SOX6: variants seen among roughly 807,000 people sequenced by gnomAD.
SOX6 encodes the protein SRY-box transcription factor 6.
SOX6 carries 11 observed loss-of-function variants against 97.8 expected under a neutral mutation model. The observed-to-expected ratio is 0.11, with a 90% CI of 0.07 to 0.19. SOX6 has a LOEUF of 0.19. Among genes scored for constraint, SOX6 ranks in the 10% least tolerant of loss-of-function variants. The pLI is 1.00. For synonymous variants in SOX6, 360 were observed against 371.4 expected, an observed-to-expected ratio of 0.97 and a Z score of 0.35; for missense variants, 810 against 1,039.5, an observed-to-expected ratio of 0.78 and a Z score of 3.04.
intron 4 of SOX6, among the ~76,000 whole-genome samples, chr11:16,526,188 T>C (rs548993717): frequency 2.0e-5 from 3 of 152,300 alleles, no homozygotes; most frequent in Non-Finnish European, 4.4e-5. Context: ...TGCACACATA[T>C]GTTTCTTGCG....
intron 4 of SOX6, among the ~76,000 whole-genome samples, chr11:16,595,740 C>T (rs1458704806): frequency 6.6e-6 from 1 of 152,080 alleles, no homozygotes; most frequent in African/African-American, 2.4e-5. Context: ...CACCGTTCTC[C>T]AGCATGGACA....
chr11:16,149,483 A>G (rs1850404205), intron 6 of SOX6, among the ~76,000 whole-genome samples: 1 of 151,994 alleles, frequency 6.6e-6, no homozygotes, highest in African/African-American at 2.4e-5. Context: ...GTAGGGAAAT[A>G]GGAGTCTGAT....
Position 16,733,765 on chromosome 11 carries a change from G to A in SOX6, n.353+2574C>T, listed in dbSNP as rs1213835037. Among the ~76,000 whole-genome samples the A allele has an allele frequency of 4.7e-5, 7 of 148,180 alleles. No individual in the cohort carries two copies. The South Asian group carries it at 8.6e-4, about 18-fold the overall frequency. ...AAAAGGGCCAGGCACGGTGGCTCAC[G>A]TCTGTAATCCCAGCACTTTGGGAGG... is the stretch of plus-strand genomic sequence containing the variant. On this transcript the variant is annotated intron_variant and non_coding_transcript_variant, in intron 2 of 5. Coordinates refer to the SOX6 transcript ENST00000524520.
chr11:16,003,557 A>G (rs1003872421), intron 13 of SOX6, among the ~76,000 whole-genome samples: 1 of 152,024 alleles, frequency 6.6e-6, no homozygotes, highest in Non-Finnish European at 1.5e-5. Context: ...TCTTATCCTT[A>G]GCTGCTTATC....
At chr11:16,624,797 G>C (rs747805185) in intron 3 of SOX6, among the ~76,000 whole-genome samples, 2 of 152,162 alleles carry the variant, frequency 1.3e-5, no homozygotes, top group African/African-American at 2.4e-5. Flanking sequence ...ATATTGTCCA[G>C]TTTGTTTGGT....
chr11:16,068,534 T>G (rs1009093935), intron 9 of SOX6, among the ~76,000 whole-genome samples: 3 of 152,176 alleles, frequency 2.0e-5, no homozygotes, highest in African/African-American at 7.2e-5. Flanking sequence ...ACTGAAGTCC[T>G]TTTTTTCAGC....
At chr11:16,253,184 C>T (rs1259340138) in intron 3 of SOX6, among the ~76,000 whole-genome samples, 2 of 151,996 alleles carry the variant, frequency 1.3e-5, no homozygotes, top group Non-Finnish European at 2.9e-5. Context: ...CCTGTCTCTA[C>T]TAAATATACA....
chr11:16,131,578 T>C (rs1849740213), intron 6 of SOX6, among the ~76,000 whole-genome samples: 1 of 152,070 alleles, frequency 6.6e-6, no homozygotes, highest in Non-Finnish European at 1.5e-5. Flanking sequence ...AGCCCTACAA[T>C]TAATCCACTC....
chr11:15,983,698 C>T (rs996233101), intron 15 of SOX6, among the ~76,000 whole-genome samples: 1 of 152,184 alleles, frequency 6.6e-6, no homozygotes. Context: ...CAAGTATTAT[C>T]AAAGCTGGGC....
chr11:16,461,375 G>A (rs888337308), intron 1 of SOX6, among the ~76,000 whole-genome samples: 5 of 151,978 alleles, frequency 3.3e-5, no homozygotes, highest in South Asian at 2.1e-4. Flanking sequence ...TTTCAAAAGC[G>A]AAGCTCTTGG....
intron 3 of SOX6, among the ~76,000 whole-genome samples, chr11:16,630,291 C>T (rs566779214): frequency 6.6e-6 from 1 of 152,078 alleles, no homozygotes; most frequent in East Asian, 1.9e-4. Flanking sequence ...TGTTATGTGT[C>T]TGTTTTCATT....
chr11:16,201,428 T>G (rs1851933522), intron 4 of SOX6, among the ~76,000 whole-genome samples: 2 of 151,604 alleles, frequency 1.3e-5, no homozygotes, highest in South Asian at 4.1e-4. Flanking sequence ...AATGGCACTA[T>G]TCTTTAGAAT....
At chr11:16,391,768 A>G (rs1203394578) in intron 1 of SOX6, among the ~76,000 whole-genome samples, 1 of 152,106 alleles carries the variant, frequency 6.6e-6, no homozygotes, top group Non-Finnish European at 1.5e-5. Flanking sequence ...TTAAGAGAAG[A>G]TGAAAGGAAG....
At chr11:16,260,631 T>C (rs1290067114) in intron 3 of SOX6, among the ~76,000 whole-genome samples, 3 of 152,198 alleles carry the variant, frequency 2.0e-5, no homozygotes. Context: ...ACACACTGTC[T>C]ACCTGCTCTA....
chr11:16,404,344 C>T (rs1281021850), intron 1 of SOX6, among the ~76,000 whole-genome samples: 1 of 151,788 alleles, frequency 6.6e-6, no homozygotes, highest in East Asian at 1.9e-4. Context: ...CAAATAATGG[C>T]CGGTATATTA....
intron 3 of SOX6, among the ~76,000 whole-genome samples, chr11:16,655,841 C>T (rs1454600886): frequency 2.0e-5 from 3 of 152,018 alleles, no homozygotes; most frequent in South Asian, 2.1e-4. Flanking sequence ...TCTGGCCAGG[C>T]GTGGTGGCAT....
chr11:16,244,535 A>G (rs1280173861), intron 3 of SOX6, among the ~76,000 whole-genome samples: 3 of 151,554 alleles, frequency 2.0e-5, no homozygotes, highest in Non-Finnish European at 4.4e-5. Flanking sequence ...TTTTTTTCCT[A>G]TGTTTTCTTC....
At chr11:16,213,896 G>A (rs1047798181) in intron 4 of SOX6, among the ~76,000 whole-genome samples, 21 of 152,076 alleles carry the variant, frequency 1.4e-4, no homozygotes, top group Admixed American at 9.8e-4. Flanking sequence ...CTTCTTTAAA[G>A]TATGGTATCA....
chr11:16,138,494 C>G (rs1374462968), intron 6 of SOX6, among the ~76,000 whole-genome samples: 1 of 151,910 alleles, frequency 6.6e-6, no homozygotes, highest in East Asian at 1.9e-4. Context: ...CAGTTCTTCC[C>G]TGATCTTTAT....
Sources: gnomAD v4.1 joint callset for allele counts (sites outside exome capture counted in the v4.1 genomes callset) on GRCh38, gnomAD v4.1.1 for gene constraint, MANE v1.5 for transcripts, NCBI Gene and HGNC (gene_info 2026-07-23, HGNC 2026-07-21) for gene names.